Variants in CAPN15 observed in about 807,000 individuals in gnomAD.
CAPN15 encodes the protein calpain-15.
A neutral mutation model predicts 97.9 loss-of-function variants in CAPN15; 53 were observed. That is an observed-to-expected ratio of 0.54 (90% confidence interval 0.43 to 0.68). CAPN15 has a LOEUF of 0.68. Ranked by LOEUF, CAPN15 falls within the 30% of genes least tolerant of loss-of-function variation. The pLI is 0.00. For missense variants in CAPN15, 1,592 were observed against 1,589.8 expected (o/e 1.00, Z -0.02); for synonymous variants, 922 against 722.5 (o/e 1.28, Z -4.43).
chr16:543,309 CG>C lies in CAPN15; in HGVS notation c.-22-3505del, dbSNP rs1395392320. On this transcript the variant is annotated intron_variant, in intron 3 of 13. Coordinates refer to ENST00000219611, the MANE Select transcript of CAPN15 (RefSeq NM_005632.3). ...TCCAGTCTGCAGCTCCCGGCAGCCTCGGGCCACACTCCCGGGATCCCCAGGG... is the reference window on the plus strand; with the variant it reads ...TCCAGTCTGCAGCTCCCGGCAGCCTCGGCCACACTCCCGGGATCCCCAGGG... The C allele has an allele frequency of 3.2e-5, 5 of 154,730 alleles. 1 individual carries two copies. The Middle Eastern group carries it at 2.7e-3, about 85-fold the overall frequency. The allele number at this position is 154,730 out of a possible 1,614,324, so 9.6% of individuals were successfully genotyped here.
At chr16:540,528 G>A (rs995000624) in intron 3 of CAPN15, among the ~76,000 whole-genome samples, 3 of 152,234 alleles carry the variant, frequency 2.0e-5, no homozygotes, top group Non-Finnish European at 4.4e-5. Flanking sequence ...AGCTGAGCAG[G>A]TCTGAGACCC....
chr16:534,455 G>T (rs2033551096), intron 2 of CAPN15, among the ~76,000 whole-genome samples: 1 of 152,192 alleles, frequency 6.6e-6, no homozygotes, highest in Non-Finnish European at 1.5e-5. Flanking sequence ...GGCGGTCGGA[G>T]TCCACGTCCT....
chr16:551,191 G>GGTCGGTGAGGGTCCCCA (rs1433518060), intron 7 of CAPN15, 111 bp from the exon 8 acceptor site: 27 of 1,376,844 alleles, frequency 2.0e-5, no homozygotes, highest in South Asian at 7.0e-5. Context: ...TGAGGGCCCC[G>GGTCGGTGAGGGTCCCCA]GTCGGTGAGG....
In CAPN15 at chr16:527,946, C is replaced by CGGCCGGCGGGGGCGAGCGGGCCCGGG. The variant is rs1229461530; in HGVS notation, c.-266_-241dup. The CGGCCGGCGGGGGCGAGCGGGCCCGGG allele has an allele frequency of 1.1e-4, 16 of 144,486 alleles. No individual in the cohort carries two copies. Among genetic ancestry groups the CGGCCGGCGGGGGCGAGCGGGCCCGGG allele is most frequent in the South Asian group, 4.4e-4 (2 of 4,512 alleles). 9.0% of individuals were successfully genotyped at this position (144,486 alleles called of 1,614,324 possible). A position where few individuals can be genotyped will look rare whatever the true frequency, so the allele number is the denominator to read the frequency against. Reference sequence around the variant, plus strand: ...CTCTCCGGAGGCAGAAGTTGTGGATCGGCCGGCGGGGGCGAGCGGGCCCGG... The same window carrying CGGCCGGCGGGGGCGAGCGGGCCCGGG: ...CTCTCCGGAGGCAGAAGTTGTGGATCGGCCGGCGGGGGCGAGCGGGCCCGGGGGCCGGCGGGGGCGAGCGGGCCCGG... On this transcript the variant is annotated 5_prime_UTR_variant, in exon 1 of 14. Transcript: ENST00000219611.
rs1187584238 is a variant in CAPN15 at position 547,538 on chromosome 16, C to A, written c.700C>A (p.Pro234Thr). Residue 234 changes from proline (P) to threonine (T), a missense_variant, in exon 4 of 14, where the codon CCC becomes ACC. Pro to Thr is a conservative substitution (Grantham distance 38). This residue lies in a region of CAPN15 where 883 missense variants were observed against 776.6 expected (regional missense o/e 1.14). Coordinates refer to ENST00000219611, the MANE Select transcript of CAPN15 (RefSeq NM_005632.3). The part of the protein sequence containing the change: ...PEPPRVPPFS[P>T]FSSTLQNNPV... ...GCCGCCCAGGGTCCCGCCCTTCAGC[C>A]CCTTCTCGTCCACCCTGCAGAACAA... 1.3e-6 allele frequency: 2 copies of A among 1,597,774 alleles called. No individual in the cohort carries two copies. Among genetic ancestry groups the A allele is most frequent in the East Asian group, 4.5e-5 (2 of 44,792 alleles).
intron 1 of CAPN15, among the ~76,000 whole-genome samples, chr16:531,230 G>T (rs951932375): frequency 1.3e-5 from 2 of 152,056 alleles, no homozygotes; most frequent in Non-Finnish European, 2.9e-5. Context: ...AGCCAGGGTC[G>T]TGCTCTGTTG....
Position 552,806 on chromosome 16 carries a change from C to A in CAPN15, c.2904+35C>A. The A allele has an allele frequency of 1.2e-6, 1 of 823,338 alleles. No individual in the cohort carries two copies. Among genetic ancestry groups the A allele is most frequent in the Non-Finnish European group, 1.8e-6 (1 of 549,904 alleles). The allele number at this position is 823,338 out of a possible 1,614,324, so 51.0% of individuals were successfully genotyped here. On this transcript the variant is annotated intron_variant, in intron 12 of 13. Coordinates refer to ENST00000219611, the MANE Select transcript of CAPN15 (RefSeq NM_005632.3). This position sits in a 1 kb window ranked among gnomAD's most constrained non-coding sequence, Gnocchi z 6.4. ...GGTCCCGGGGGAGGGTGGCGTGGGG[C>A]AGGGGGAGTATGCCCCAGCACCTCC...
Position 549,655 on chromosome 16 carries a change from C to G in CAPN15, c.1883C>G (p.Ala628Gly), listed in dbSNP as rs981063036. The change falls in exon 7 of 14, where the codon GCG (alanine) becomes GGG (glycine). Residue 628 changes from alanine (A) to glycine (G), a missense_variant. Ala to Gly is a moderately conservative substitution (Grantham distance 60). Around this residue, in one of 3 missense-constraint regions of CAPN15, gnomAD observed 644 missense variants for 699.6 expected, o/e 0.92. Transcript: ENST00000219611. ...CTGTGGGTGGCCCTCATCGAGAAGG[C>G]GCTGGCCAAGCTGCACGGCTCCTAC... ...KQLWVALIEK[A>G]LAKLHGSYFA... is the part of the protein sequence containing the mutation. The G allele has an allele frequency of 3.2e-6, 5 of 1,558,138 alleles. No individual in the cohort carries two copies. Among genetic ancestry groups the G allele is most frequent in the Non-Finnish European group, 4.3e-6 (5 of 1,156,804 alleles).
At chr16:529,149 C>G (rs1486937262) in intron 1 of CAPN15, among the ~76,000 whole-genome samples, 1 of 151,900 alleles carries the variant, frequency 6.6e-6, no homozygotes, top group Non-Finnish European at 1.5e-5. Flanking sequence ...CCTCTTTTTC[C>G]TGCTTCTGTC....
At chr16:542,411 T>C (rs1486146127) in intron 3 of CAPN15, among the ~76,000 whole-genome samples, 1 of 151,924 alleles carries the variant, frequency 6.6e-6, no homozygotes, top group Non-Finnish European at 1.5e-5. Flanking sequence ...CTGGGGAGGG[T>C]CCTGGCGTCT....
intron 3 of CAPN15, 52 bp from the exon 4 acceptor site, chr16:546,765 C>T (rs1203619302): frequency 9.3e-6 from 14 of 1,508,874 alleles, no homozygotes; most frequent in African/African-American, 8.4e-5. Context: ...AGGGTGGGGT[C>T]CAGCCACTCA....
At position 547,584 on chromosome 16, in the gene CAPN15, G is replaced by T. The variant is rs768437059; in HGVS notation, c.746G>T (p.Arg249Leu). The change falls in exon 4 of 14, where the codon CGC (arginine) becomes CTC (leucine). Residue 249 changes from arginine to leucine, a missense_variant. By Grantham distance (102) the Arg-to-Leu change is moderately radical (BLOSUM62 -2). This residue lies in a region of CAPN15 where 883 missense variants were observed against 776.6 expected (regional missense o/e 1.14). Transcript: ENST00000219611. ...AACAACCCCGTGCCGCGCAGCCGACGCGAGGTTCCCCCCCAGCTGCAGCCA... is the reference window on the plus strand; with the variant it reads ...AACAACCCCGTGCCGCGCAGCCGACTCGAGGTTCCCCCCCAGCTGCAGCCA... ...LQNNPVPRSR[R>L]EVPPQLQPPV... is the part of the protein sequence containing the mutation. 8 of 1,579,362 alleles carry T rather than the reference G, an allele frequency of 5.1e-6. No individual in the cohort carries two copies. In the African/African-American group the frequency reaches 6.7e-5, roughly 13 times the overall value.
In CAPN15 at chr16:552,739, C is replaced by T. The variant is rs1442592817; in HGVS notation, c.2872C>T (p.Leu958=). 5.8e-6 allele frequency: 9 copies of T among 1,544,330 alleles called. No individual in the cohort carries two copies. Among genetic ancestry groups the T allele is most frequent in the Non-Finnish European group, 7.9e-6 (9 of 1,145,368 alleles). The part of the protein sequence containing the change: ...QPTTLADAII[L]LTESRGERHE... ...GACCACGCTGGCCGACGCCATCATCCTGCTCACCGAGAGCCGCGGAGAGCG... is the reference window on the plus strand; with the variant it reads ...GACCACGCTGGCCGACGCCATCATCTTGCTCACCGAGAGCCGCGGAGAGCG... Residue 958 remains leucine, a synonymous_variant, in exon 12 of 14, where the codon CTG becomes TTG. Coordinates refer to ENST00000219611, the MANE Select transcript of CAPN15 (RefSeq NM_005632.3). The surrounding 1 kb of genome is among the most constrained non-coding windows in gnomAD (Gnocchi z 6.4).
At chr16:533,871 G>A in intron 1 of CAPN15, 75 bp from the exon 2 acceptor site, 5 of 728,654 alleles carry the variant, frequency 6.9e-6, no homozygotes, top group Non-Finnish European at 8.4e-6. Context: ...AGGGCTGGAG[G>A]CGGGGCTCTG....
At position 552,139 on chromosome 16, in the gene CAPN15, C is replaced by T. The variant is rs1378102390; in HGVS notation, c.2434C>T (p.Pro812Ser). The T allele has an allele frequency of 6.5e-7, 1 of 1,547,604 alleles. No homozygotes were observed. The highest frequency in any genetic ancestry group is 8.7e-7 in the Non-Finnish European group (1 of 1,146,156). ...QGCFPSSASA[P>S]VGVTALTVLE... is the part of the protein sequence containing the mutation. ...CTGCTTTCCCAGCTCGGCCAGCGCG[C>T]CCGTGGGGGTAACAGCGCTCACGGT... Residue 812 changes from proline (P) to serine (S), a missense_variant, in exon 10 of 14, where the codon CCC (proline) becomes TCC (serine). Physicochemically the swap from Pro to Ser is moderately conservative, Grantham distance 74. Coordinates refer to ENST00000219611, the MANE Select transcript of CAPN15 (RefSeq NM_005632.3). This position sits in a 1 kb window ranked among gnomAD's most constrained non-coding sequence, Gnocchi z 6.4.
rs944436087 is a variant in CAPN15 at position 554,305 on chromosome 16, A to G, written c.*789A>G. 55 of 351,300 alleles carry G rather than the reference A, an allele frequency of 1.6e-4. No individual in the cohort carries two copies. In the Admixed American group the frequency reaches 2.1e-3, roughly 13 times the overall value. The allele number at this position is 351,300 out of a possible 1,614,324, so 21.8% of individuals were successfully genotyped here. On this transcript the variant is annotated 3_prime_UTR_variant, in exon 14 of 14. Transcript: ENST00000219611. ...AGGGCTCAGCCGCTCCCACCTCCCC[A>G]CAGAAGCCCAGGAGTGTGTGGACGT...
chr16:544,349 G>A (rs2034381031), intron 3 of CAPN15, among the ~76,000 whole-genome samples: 12 of 152,084 alleles, frequency 7.9e-5, no homozygotes, highest in Admixed American at 7.9e-4. Context: ...GTGTTTCTCG[G>A]TGTGGCCTCA....
At chr16:534,400 A>G (rs1277546352) in intron 2 of CAPN15, among the ~76,000 whole-genome samples, 1 of 152,094 alleles carries the variant, frequency 6.6e-6, no homozygotes, top group Non-Finnish European at 1.5e-5. Flanking sequence ...AGCGGCCTGC[A>G]CCTGTTTCTG....
rs1404330403 is a variant in CAPN15, at chr16:537,171, C to T, written c.-23+1029C>T. 4.1e-6 allele frequency: 4 copies of T among 985,386 alleles called. No individual in the cohort carries two copies. In the East Asian group the frequency reaches 4.5e-4, roughly 112 times the overall value. 61.0% of individuals were successfully genotyped at this position (985,386 alleles called of 1,614,324 possible). ...TCTTCCGAGCACCCACGGGAGGGGACTGTGCTGTCCCTGCTCTCCTAGGAC... is the reference window on the plus strand; with the variant it reads ...TCTTCCGAGCACCCACGGGAGGGGATTGTGCTGTCCCTGCTCTCCTAGGAC... On this transcript the variant is annotated intron_variant, in intron 3 of 13. Coordinates refer to ENST00000219611, the MANE Select transcript of CAPN15 (RefSeq NM_005632.3).
Sources: gnomAD v4.1 joint callset for allele counts (sites outside exome capture counted in the v4.1 genomes callset) on GRCh38, gnomAD v4.1.1 for gene constraint, gnomAD v4.1.1 regional missense constraint, Gnocchi (gnomAD v3.1) non-coding constraint, MANE v1.5 for transcripts, NCBI Gene and HGNC (gene_info 2026-07-23, HGNC 2026-07-21) for gene names.